Variants in PROKR1 observed in about 807,000 individuals in gnomAD.
PROKR1 encodes the protein prokineticin receptor 1.
In PROKR1, 21 loss-of-function variants were observed where a neutral mutation model predicts 22.8. The ratio of observed to expected loss-of-function variants is 0.92; its 90% confidence interval spans 0.65 to 1.32. The LOEUF (loss-of-function observed/expected upper bound fraction) is 1.32, where lower values mean the gene tolerates loss of function less well. PROKR1 is among the 40% of genes most tolerant of loss of function. The probability of loss-of-function intolerance (pLI) is 0.00; values close to 1 mark genes in which losing one functional copy is unlikely to be tolerated. For synonymous variants in PROKR1, 193 were observed against 207.5 expected (o/e 0.93, Z 0.60); for missense variants, 548 against 514.2 (o/e 1.07, Z -0.64).
intron 2 of PROKR1, among the ~76,000 whole-genome samples, chr2:68,653,436 A>G (rs1209086792): frequency 6.6e-6 from 1 of 151,758 alleles, no homozygotes; most frequent in Non-Finnish European, 1.5e-5. Context: ...AAAAAAAAAA[A>G]TAAGTAAGAA....
In PROKR1 at chr2:68,645,868, C is replaced by G. The variant is rs767871433; in HGVS notation, c.47C>G (p.Ser16Cys). 1.2e-6 allele frequency: 2 copies of G among 1,614,108 alleles called. No homozygotes were observed. Among genetic ancestry groups the G allele is most frequent in the African/African-American group, 2.7e-5 (2 of 74,936 alleles). ...ATGGATGACAATGCCACCAACACTT[C>G]CACCAGCTTCCTTTCTGTGCTCAAC... is the stretch of plus-strand genomic sequence containing the variant. ...GFMDDNATNT[S>C]TSFLSVLNPH... Residue 16 changes from serine to cysteine, a missense_variant, in exon 2 of 3, where the codon TCC becomes TGC. Coordinates refer to ENST00000303786, the MANE Select transcript of PROKR1 (RefSeq NM_138964.4).
intron 2 of PROKR1, chr2:68,649,374 C>A: frequency 6.6e-6 from 1 of 152,320 alleles, no homozygotes. Context: ...GTCTTCCTGC[C>A]TTCAGTGTTT....
chr2:68,647,690 C>T (rs1305475791), intron 2 of PROKR1, among the ~76,000 whole-genome samples: 2 of 127,396 alleles, frequency 1.6e-5, no homozygotes, highest in Non-Finnish European at 3.0e-5. Context: ...ACTCTGCCTC[C>T]CTTCTCTAGG....
chr2:68,655,232 A>C lies in PROKR1; in HGVS notation c.838A>C (p.Arg280=). 1 of 1,614,262 alleles carries C rather than the reference A, an allele frequency of 6.2e-7. No homozygotes were observed. The highest frequency in any genetic ancestry group is 8.5e-7 in the Non-Finnish European group (1 of 1,180,048). ...EQIRKRLRCR[R]KTVLVLMCIL... ...GATCCGCAAGAGGCTGCGCTGCCGC[A>C]GGAAGACGGTCCTGGTGCTCATGTG... Residue 280 remains arginine (R), a synonymous_variant, in exon 3 of 3, where the codon AGG becomes CGG. Transcript: ENST00000303786.
At chr2:68,645,491 T>C (rs771079230) in intron 1 of PROKR1, among the ~76,000 whole-genome samples, 171 bp from the exon 2 acceptor site, 122 of 152,200 alleles carry the variant, frequency 8.0e-4, no homozygotes, top group Non-Finnish European at 1.3e-3. Context: ...CCTTCCCTAA[T>C]TGAGTATGTG....
chr2:68,653,780 C>T (rs921620223), intron 2 of PROKR1, among the ~76,000 whole-genome samples: 4 of 152,120 alleles, frequency 2.6e-5, no homozygotes, highest in African/African-American at 9.7e-5. Context: ...TCATTTCCCC[C>T]CTAGAAAGTG....
intron 2 of PROKR1, 123 bp from the exon 3 acceptor site, chr2:68,654,757 C>A: frequency 1.1e-6 from 1 of 888,272 alleles, no homozygotes; most frequent in Non-Finnish European, 1.8e-6. Flanking sequence ...ATGATCATGC[C>A]ACTGCACTCA....
chr2:68,651,285 C>T (rs1448805583), intron 2 of PROKR1, among the ~76,000 whole-genome samples: 2 of 152,144 alleles, frequency 1.3e-5, no homozygotes, highest in Non-Finnish European at 2.9e-5. Context: ...AACCCTTGGG[C>T]CCAGGAGATA....
Position 68,648,149 on chromosome 2 carries a change from G to A in PROKR1, c.485+1843G>A, listed in dbSNP as rs1573334255. ...AGGGTAGGGTGCCTCCTGTGGAGTG[G>A]GACCCTACTCCCCGGATGAGATCCA... On this transcript the variant is annotated intron_variant, in intron 2 of 2. Transcript: ENST00000303786. Among the ~76,000 whole-genome samples, 4 of 152,220 alleles carry A rather than the reference G, an allele frequency of 2.6e-5. No homozygotes were observed. In the Middle Eastern group the frequency reaches 0.014, roughly 518 times the overall value.
chr2:68,653,893 A>G (rs549847009), intron 2 of PROKR1, among the ~76,000 whole-genome samples: 2 of 151,304 alleles, frequency 1.3e-5, no homozygotes, highest in East Asian at 1.9e-4. Context: ...TTGCGGTTAG[A>G]AAAAAAAATA....
chr2:68,649,983 G>A (rs189027870), intron 2 of PROKR1, among the ~76,000 whole-genome samples: 3 of 147,722 alleles, frequency 2.0e-5, no homozygotes, highest in South Asian at 2.1e-4. Flanking sequence ...ACCAAACACC[G>A]CATATTCTCA....
intron 2 of PROKR1, among the ~76,000 whole-genome samples, chr2:68,654,436 G>T (rs1218269608): frequency 1.3e-5 from 2 of 152,156 alleles, no homozygotes; most frequent in Admixed American, 6.5e-5. Flanking sequence ...CTTGGCTGAG[G>T]TTGCATAGCT....
At chr2:68,647,665 C>T (rs538329349) in intron 2 of PROKR1, among the ~76,000 whole-genome samples, 16 of 149,800 alleles carry the variant, frequency 1.1e-4, no homozygotes, top group South Asian at 1.0e-3. Context: ...TCTATAAAAC[C>T]GCTGAGGGGT....
At chr2:68,647,387 T>A (rs1210179138) in intron 2 of PROKR1, among the ~76,000 whole-genome samples, 1 of 152,184 alleles carries the variant, frequency 6.6e-6, no homozygotes, top group Non-Finnish European at 1.5e-5. Flanking sequence ...GAGACAATTA[T>A]CCTGAGGATC....
At position 68,655,592 on chromosome 2, in the gene PROKR1, A is replaced by G. The variant is rs375202344; in HGVS notation, c.*16A>G. ...ACTAAAATAACCCCCTGGACTTTGC[A>G]AAGTTTAAACACAAAGCAGGGTCCT... On this transcript the variant is annotated 3_prime_UTR_variant, in exon 3 of 3. Transcript: ENST00000303786. The G allele has an allele frequency of 6.2e-7, 1 of 1,610,364 alleles. No homozygotes were observed. The highest frequency in any genetic ancestry group is 1.7e-5 in the Admixed American group (1 of 60,004).
chr2:68,649,427 A>C (rs1240102663), intron 2 of PROKR1: 2 of 152,188 alleles, frequency 1.3e-5, no homozygotes, highest in African/African-American at 4.8e-5. Context: ...CTGACAATCC[A>C]TCCTAAACTT....
intron 2 of PROKR1, among the ~76,000 whole-genome samples, chr2:68,648,289 G>A (rs1000697091): frequency 2.3e-4 from 35 of 152,188 alleles, no homozygotes; most frequent in African/African-American, 3.9e-4. Flanking sequence ...TGATATCTAT[G>A]TCAATCAGTC....
Position 68,643,915 on chromosome 2 carries a change from G to A in PROKR1, c.-161+67G>A, listed in dbSNP as rs371592795. 1.7e-4 allele frequency: 26 copies of A among 152,628 alleles called. No individual in the cohort carries two copies. In the East Asian group the frequency reaches 4.6e-3, roughly 27 times the overall value. The allele number at this position is 152,628 out of a possible 1,614,324, so 9.5% of individuals were successfully genotyped here. A position where few individuals can be genotyped will look rare whatever the true frequency, so the allele number is the denominator to read the frequency against. On this transcript the variant is annotated intron_variant, in intron 1 of 2. Transcript: ENST00000303786. ...CGCGCTGCACTGGCTGCGGCCGTGG[G>A]GTGCGGCGGCTTCTGAGTGAAGAGG...
At position 68,655,306 on chromosome 2, in the gene PROKR1, C is replaced by T. The variant is rs994277785; in HGVS notation, c.912C>T (p.Thr304=). 2 of 1,614,242 alleles carry T rather than the reference C, an allele frequency of 1.2e-6. No individual in the cohort carries two copies. Among genetic ancestry groups the T allele is most frequent in the Middle Eastern group, 1.6e-4 (1 of 6,062 alleles). The part of the protein sequence containing the change: ...VLCWAPFYGF[T]IVRDFFPTVF... ...GCTGGGCGCCCTTCTACGGCTTCAC[C>T]ATCGTGCGCGACTTCTTCCCCACCG... The change falls in exon 3 of 3, where the codon ACC becomes ACT. Residue 304 remains threonine, a synonymous_variant. Transcript: ENST00000303786.
Sources: gnomAD v4.1 joint callset for allele counts (sites outside exome capture counted in the v4.1 genomes callset) on GRCh38, gnomAD v4.1.1 for gene constraint, MANE v1.5 for transcripts, NCBI Gene and HGNC (gene_info 2026-07-23, HGNC 2026-07-21) for gene names.